The following TET2 variants were observed in gnomAD, a reference collection of about 807,000 sequenced individuals.
TET2 encodes the protein tet methylcytosine dioxygenase 2.
A neutral mutation model predicts 142.9 loss-of-function variants in TET2; 299 were observed. That is an observed-to-expected ratio of 2.09 (90% CI 1.90 to 2.30). The LOEUF (loss-of-function observed/expected upper bound fraction) is 2.30. Among genes scored for constraint, TET2 ranks in the 30% most tolerant of loss-of-function variants. TET2 has a pLI of 0.00. For synonymous variants in TET2, 819 were observed against 849.0 expected (o/e 0.96, Z 0.61); for missense variants, 2,418 against 2,378.0 (o/e 1.02, Z -0.35).
At chr4:105,204,232 TATACACACACAC>T (rs1410395787) in intron 2 of TET2, among the ~76,000 whole-genome samples, 11 of 107,744 alleles carry the variant, frequency 1.0e-4, no homozygotes, top group South Asian at 8.2e-4. Flanking sequence ...AAAAAAAATA[TATACACACACAC>T]ACACACACAC....
At position 105,234,231 on chromosome 4, in the gene TET2, A is replaced by C. The variant is rs1335643373; in HGVS notation, c.289A>C (p.Thr97Pro). The C allele has an allele frequency of 6.2e-7, 1 of 1,614,058 alleles. No individual in the cohort carries two copies. Among genetic ancestry groups the C allele is most frequent in the Non-Finnish European group, 8.5e-7 (1 of 1,180,026 alleles). Residue 97 changes from threonine to proline, a missense_variant, in exon 3 of 11, where the codon ACA (threonine) becomes CCA (proline). Transcript: ENST00000380013. ...TTTGCAAAATGGAGGAATAAAACGC[A>C]CAGTTAGTGAACCTTCTCTCTCTGG... ...KCLQNGGIKR[T>P]VSEPSLSGLL...
At chr4:105,157,973 G>A (rs1295259594) in intron 1 of TET2, among the ~76,000 whole-genome samples, 1 of 152,114 alleles carries the variant, frequency 6.6e-6, no homozygotes, top group East Asian at 1.9e-4. Flanking sequence ...CATCGGCCTG[G>A]CCAACTTATT....
At chr4:105,166,217 A>G (rs997160146) in intron 1 of TET2, among the ~76,000 whole-genome samples, 3 of 152,164 alleles carry the variant, frequency 2.0e-5, no homozygotes, top group Non-Finnish European at 4.4e-5. Flanking sequence ...ACTAAAATTT[A>G]GCTTGTTCTA....
At chr4:105,148,246 A>T (rs1723134228) in intron 1 of TET2, among the ~76,000 whole-genome samples, 1 of 152,190 alleles carries the variant, frequency 6.6e-6, no homozygotes, top group Non-Finnish European at 1.5e-5. Flanking sequence ...TTTGCTGGTT[A>T]TTCCCCTCAT....
intron 2 of TET2, among the ~76,000 whole-genome samples, chr4:105,201,063 C>CTTGATAATA (rs1424014478): frequency 1.1e-4 from 17 of 152,196 alleles, no homozygotes; most frequent in African/African-American, 3.9e-4. Context: ...GAGATTATTA[C>CTTGATAATA]ATCTTGAGTT....
chr4:105,183,267 T>C (rs1725228875), intron 1 of TET2, among the ~76,000 whole-genome samples: 1 of 152,114 alleles, frequency 6.6e-6, no homozygotes, highest in South Asian at 2.1e-4. Flanking sequence ...AGAATATATA[T>C]TGTAAAAATT....
chr4:105,176,295 A>G (rs113378717), intron 1 of TET2, among the ~76,000 whole-genome samples: 276 of 152,304 alleles, frequency 1.8e-3, no homozygotes, highest in African/African-American at 6.4e-3. Flanking sequence ...ACCTAATGCA[A>G]TAAGACAAAG....
In TET2 at chr4:105,236,419, G is replaced by A; in HGVS notation, c.2477G>A (p.Ser826Asn). The A allele has an allele frequency of 6.2e-7, 1 of 1,614,038 alleles. No individual in the cohort carries two copies. The highest frequency in any genetic ancestry group is 8.5e-7 in the Non-Finnish European group (1 of 1,179,990). ...CCTTATAGTCAGACCATGAAATCAA[G>A]TGCATGCAAAATACAGGTTTCTTGT... is the stretch of plus-strand genomic sequence containing the variant. ...NSPYSQTMKS[S>N]ACKIQVSCSN... Residue 826 changes from serine (S) to asparagine (N), a missense_variant, in exon 3 of 11, where the codon AGT (serine) becomes AAT (asparagine). Coordinates refer to ENST00000380013, the MANE Select transcript of TET2 (RefSeq NM_001127208.3).
At chr4:105,206,755 A>G (rs1393664342) in intron 2 of TET2, among the ~76,000 whole-genome samples, 1 of 152,092 alleles carries the variant, frequency 6.6e-6, no homozygotes, top group Admixed American at 6.6e-5. Flanking sequence ...TGTTTAAATC[A>G]TTTACTGGAA....
In TET2 at chr4:105,176,294, A is replaced by C. The variant is rs190488117; in HGVS notation, c.-192-14066A>C. On this transcript the variant is annotated intron_variant, in intron 1 of 10. Transcript: ENST00000380013. ...TCCTACTGGAAGTGCTACCTAATGC[A>C]ATAAGACAAAGGAAAGAAAATGAAA... is the stretch of plus-strand genomic sequence containing the variant. Among the ~76,000 whole-genome samples the C allele has an allele frequency of 6.2e-4, 94 of 152,308 alleles. No individual in the cohort carries two copies. The East Asian group carries it at 0.018, about 29-fold the overall frequency.
chr4:105,200,222 A>G (rs1334557006), intron 2 of TET2, among the ~76,000 whole-genome samples: 1 of 152,070 alleles, frequency 6.6e-6, no homozygotes, highest in Non-Finnish European at 1.5e-5. Context: ...TGACTTTTTA[A>G]TAATAGCCGT....
chr4:105,161,001 C>T (rs1445754688), intron 1 of TET2, among the ~76,000 whole-genome samples: 1 of 152,098 alleles, frequency 6.6e-6, no homozygotes, highest in African/African-American at 2.4e-5. Flanking sequence ...GTTTTGAACT[C>T]CTGACCTGGT....
In TET2 at chr4:105,275,926, C is replaced by T. The variant is rs1382302060; in HGVS notation, c.5416C>T (p.His1806Tyr). 6 of 1,552,008 alleles carry T rather than the reference C, an allele frequency of 3.9e-6. 1 individual carries two copies. In the South Asian group the frequency reaches 5.9e-5, roughly 15 times the overall value. ...ATCAAAGATGCTTCCAGCTCTTAAC[C>T]ATGATAGAACTGCTTGTGTCCAAGG... ...GLSKMLPALN[H>Y]DRTACVQGGL... The change falls in exon 11 of 11, where the codon CAT (histidine) becomes TAT (tyrosine). Residue 1806 changes from histidine (H) to tyrosine (Y), a missense_variant. By Grantham distance (83) the His-to-Tyr change is moderately conservative. Coordinates refer to ENST00000380013, the MANE Select transcript of TET2 (RefSeq NM_001127208.3).
intron 2 of TET2, among the ~76,000 whole-genome samples, chr4:105,210,329 T>C (rs1342104464): frequency 1.3e-5 from 2 of 152,200 alleles, no homozygotes; most frequent in Admixed American, 6.6e-5. Flanking sequence ...GGTCACCTTG[T>C]TGACTTTTCA....
Position 105,278,169 on chromosome 4 carries a change from T to TAC in TET2, c.*1652_*1653dup, listed in dbSNP as rs1161224773. 2 of 118,702 alleles carry TAC rather than the reference T, an allele frequency of 1.7e-5. No homozygotes were observed. Among genetic ancestry groups the TAC allele is most frequent in the Non-Finnish European group, 3.2e-5 (2 of 62,228 alleles). 7.4% of individuals were successfully genotyped at this position (118,702 alleles called of 1,614,324 possible). A position where few individuals can be genotyped will look rare whatever the true frequency, so the allele number is the denominator to read the frequency against. The stretch of plus-strand genomic sequence containing the variant: ...TAGTACTGTAAAAAAATTAAATATA[T>TAC]ACATATATATATATATATATATATA... On this transcript the variant is annotated 3_prime_UTR_variant, in exon 11 of 11. Transcript: ENST00000380013.
chr4:105,223,614 A>T (rs1037326069), intron 2 of TET2, among the ~76,000 whole-genome samples: 1 of 152,196 alleles, frequency 6.6e-6, no homozygotes, highest in Non-Finnish European at 1.5e-5. Context: ...TGAAGTCCAT[A>T]GCATTGCACA....
At chr4:105,215,269 A>G (rs1727426227) in intron 2 of TET2, among the ~76,000 whole-genome samples, 1 of 152,168 alleles carries the variant, frequency 6.6e-6, no homozygotes, top group East Asian at 1.9e-4. Flanking sequence ...ACCTTTTTAT[A>G]AAATCTAATT....
At chr4:105,274,949 G>T (rs1731125103) in intron 10 of TET2, 99 bp from the exon 11 acceptor site, 1 of 1,404,170 alleles carries the variant, frequency 7.1e-7, no homozygotes, top group Non-Finnish European at 9.4e-7. Context: ...TATCACTAGT[G>T]GAGTTTCTTA....
chr4:105,187,215 A>G (rs1725510092), intron 1 of TET2, among the ~76,000 whole-genome samples: 1 of 152,250 alleles, frequency 6.6e-6, no homozygotes, highest in African/African-American at 2.4e-5. Flanking sequence ...AACAAGTTCT[A>G]TAAAGCTTAA....
Sources: gnomAD v4.1 joint callset for allele counts (sites outside exome capture counted in the v4.1 genomes callset) on GRCh38, gnomAD v4.1.1 for gene constraint, MANE v1.5 for transcripts, NCBI Gene and HGNC (gene_info 2026-07-23, HGNC 2026-07-21) for gene names.